The following KCNQ5 variants were observed in gnomAD, a reference collection of about 807,000 sequenced individuals.
KCNQ5 encodes the protein potassium voltage-gated channel subfamily Q member 5.
Under a neutral mutation model 98.2 loss-of-function variants are expected in KCNQ5, and 30 were observed. That is an observed-to-expected ratio of 0.31 (90% confidence interval 0.23 to 0.41). KCNQ5 has a LOEUF of 0.41. Among genes scored for constraint, KCNQ5 ranks in the 10% least tolerant of loss-of-function variants. The pLI is 1.00. For missense variants in KCNQ5, 835 were observed against 1,182.5 expected, an observed-to-expected ratio of 0.71 and a Z score of 4.31; for synonymous variants, 458 against 449.4, an observed-to-expected ratio of 1.02 and a Z score of -0.24.
chr6:73,156,925 A>G (rs992830916), intron 10 of KCNQ5, among the ~76,000 whole-genome samples: 1 of 152,148 alleles, frequency 6.6e-6, no homozygotes, highest in Non-Finnish European at 1.5e-5. Flanking sequence ...GGCAAATGCC[A>G]TCTATCTGTT....
intron 10 of KCNQ5, among the ~76,000 whole-genome samples, chr6:73,161,247 A>T (rs1332389977): frequency 6.6e-6 from 1 of 152,202 alleles, no homozygotes; most frequent in Non-Finnish European, 1.5e-5. Context: ...CATATGTGGG[A>T]CCGAAAAAAG....
At chr6:72,868,889 A>C (rs1337476402) in intron 1 of KCNQ5, among the ~76,000 whole-genome samples, 1 of 152,208 alleles carries the variant, frequency 6.6e-6, no homozygotes, top group Non-Finnish European at 1.5e-5. Context: ...ATGGGTACAA[A>C]AATATAGAGA....
intron 1 of KCNQ5, among the ~76,000 whole-genome samples, chr6:72,764,561 C>T (rs779504876): frequency 2.6e-5 from 4 of 151,800 alleles, no homozygotes; most frequent in Admixed American, 6.6e-5. Flanking sequence ...AAGCACGTCA[C>T]GAAGAATGGG....
At chr6:72,712,221 G>A (rs1184458384) in intron 1 of KCNQ5, among the ~76,000 whole-genome samples, 1 of 152,114 alleles carries the variant, frequency 6.6e-6, no homozygotes, top group African/African-American at 2.4e-5. Flanking sequence ...ATAAAACCCT[G>A]GGGAACACCT....
chr6:72,896,808 G>A (rs1779268810), intron 1 of KCNQ5, among the ~76,000 whole-genome samples: 1 of 152,128 alleles, frequency 6.6e-6, no homozygotes, highest in African/African-American at 2.4e-5. Flanking sequence ...TGGTACCTTT[G>A]CTGTGTGGTG....
intron 11 of KCNQ5, among the ~76,000 whole-genome samples, chr6:73,170,887 TCATGC>T (rs1248189679): frequency 6.6e-6 from 1 of 152,094 alleles, no homozygotes; most frequent in Non-Finnish European, 1.5e-5. Context: ...TGAGCTGAAA[TCATGC>T]CACTGCACTC....
At chr6:72,827,785 G>C (rs189501907) in intron 1 of KCNQ5, among the ~76,000 whole-genome samples, 3 of 151,812 alleles carry the variant, frequency 2.0e-5, no homozygotes, top group East Asian at 3.9e-4. Flanking sequence ...TCGAGGTCTT[G>C]ATCATAAAAT....
At chr6:73,156,437 C>T (rs1777363864) in intron 10 of KCNQ5, among the ~76,000 whole-genome samples, 1 of 152,210 alleles carries the variant, frequency 6.6e-6, no homozygotes, top group South Asian at 2.1e-4. Context: ...AGATCGAGAT[C>T]AGTCTGGCCA....
At chr6:73,090,461 G>C (rs545136484) in intron 5 of KCNQ5, among the ~76,000 whole-genome samples, 77 of 152,176 alleles carry the variant, frequency 5.1e-4, no homozygotes, top group African/African-American at 1.7e-3. Flanking sequence ...TCACTTTTGG[G>C]TTCTTGGTCT....
chr6:73,093,163 T>A (rs1267794381), intron 5 of KCNQ5, among the ~76,000 whole-genome samples: 3 of 152,182 alleles, frequency 2.0e-5, no homozygotes, highest in Non-Finnish European at 2.9e-5. Flanking sequence ...AATTTATCCA[T>A]CTCTTCTAGA....
Position 73,194,575 on chromosome 6 carries a change from A to G in KCNQ5, c.1960A>G (p.Thr654Ala), listed in dbSNP as rs754208804. 11 of 1,614,094 alleles carry G rather than the reference A, an allele frequency of 6.8e-6. No homozygotes were observed. The highest frequency in any genetic ancestry group is 8.5e-6 in the Non-Finnish European group (10 of 1,180,044). The stretch of plus-strand genomic sequence containing the variant: ...GATCCCACCTTTTGAATGTGAACAG[A>G]CATCTGACTATCAAAGCCCTGTGGA... Reference protein sequence around the residue: ...FQIPPFECEQTSDYQSPVDSK... With the variant: ...FQIPPFECEQASDYQSPVDSK... Residue 654 changes from threonine to alanine, a missense_variant, in exon 14 of 14, where the codon ACA (threonine) becomes GCA (alanine). By Grantham distance (58) the Thr-to-Ala change is moderately conservative (BLOSUM62 0). This residue lies in a region of KCNQ5 where 416 missense variants were observed against 446.9 expected (regional missense o/e 0.93). Transcript: ENST00000370398.
In KCNQ5 at chr6:73,063,709, TA is replaced by T. The variant is rs1378352179; in HGVS notation, c.617-13612del. Among the ~76,000 whole-genome samples, 72 of 122,106 alleles carry T rather than the reference TA, an allele frequency of 5.9e-4. 1 individual carries two copies. The highest frequency in any genetic ancestry group is 1.7e-3 in the Admixed American group (21 of 12,306). The allele number at this position is 122,106 out of a possible 152,430, so 80.1% of individuals were successfully genotyped here. ...GATGATAGATAGATAGATAGATAGA[TA>T]GATAGATAGATGATAGATAGATAGA... On this transcript the variant is annotated intron_variant, in intron 3 of 13. Transcript: ENST00000370398.
At chr6:73,081,270 T>G (rs1773754753) in intron 5 of KCNQ5, among the ~76,000 whole-genome samples, 1 of 152,186 alleles carries the variant, frequency 6.6e-6, no homozygotes, top group Non-Finnish European at 1.5e-5. Flanking sequence ...CTCTAGTAGC[T>G]GAGGCACTGA....
chr6:73,061,518 C>G (rs1392518711), intron 3 of KCNQ5, among the ~76,000 whole-genome samples: 2 of 152,102 alleles, frequency 1.3e-5, no homozygotes, highest in African/African-American at 4.8e-5. Context: ...TCCGAATCTA[C>G]TCACACTCCA....
At chr6:73,057,033 G>A (rs996489786) in intron 3 of KCNQ5, among the ~76,000 whole-genome samples, 1 of 152,130 alleles carries the variant, frequency 6.6e-6, no homozygotes, top group African/African-American at 2.4e-5. Context: ...GCACATGTAT[G>A]TTTATTGCAG....
At chr6:73,134,544 C>T (rs1290969960) in intron 10 of KCNQ5, among the ~76,000 whole-genome samples, 1 of 152,190 alleles carries the variant, frequency 6.6e-6, no homozygotes, top group East Asian at 1.9e-4. Flanking sequence ...TCTGAGGATC[C>T]CTGCAGTGAA....
At chr6:73,092,098 G>GT (rs1774279717) in intron 5 of KCNQ5, among the ~76,000 whole-genome samples, 1 of 151,338 alleles carries the variant, frequency 6.6e-6, no homozygotes, top group African/African-American at 2.4e-5. Flanking sequence ...TTGTTTGTTT[G>GT]TTTTTTGTTT....
chr6:73,040,884 A>C (rs545172171), intron 2 of KCNQ5, among the ~76,000 whole-genome samples: 68 of 152,244 alleles, frequency 4.5e-4, no homozygotes, highest in African/African-American at 1.6e-3. Context: ...AGAATGGGAG[A>C]ATGGGGAGTA....
At chr6:72,806,305 A>G (rs1678500879) in intron 1 of KCNQ5, among the ~76,000 whole-genome samples, 1 of 152,142 alleles carries the variant, frequency 6.6e-6, no homozygotes, top group South Asian at 2.1e-4. Context: ...AAGAAATAAG[A>G]CAAGCAAAAA....
Sources: allele counts gnomAD v4.1 joint callset (sites outside exome capture counted in the v4.1 genomes callset), GRCh38; gene constraint gnomAD v4.1.1; regional missense constraint gnomAD v4.1.1; transcripts MANE v1.5; gene names NCBI Gene and HGNC (gene_info 2026-07-23, HGNC 2026-07-21).